RBFOX1: variants seen among roughly 807,000 people sequenced by gnomAD.
The protein encoded by RBFOX1 is RNA binding fox-1 homolog 1, also known as RNA binding protein fox-1 homolog 1.
Under a neutral mutation model 57.7 loss-of-function variants are expected in RBFOX1, and 8 were observed. That is an observed-to-expected ratio of 0.14 (90% CI 0.08 to 0.25). The LOEUF (loss-of-function observed/expected upper bound fraction) is 0.25. Ranked by LOEUF, RBFOX1 falls within the 10% of genes least tolerant of loss-of-function variation. RBFOX1 has a pLI of 1.00. For synonymous variants in RBFOX1, 326 were observed against 222.4 expected (o/e 1.47, Z -4.15); for missense variants, 611 against 548.5 (o/e 1.11, Z -1.14).
At chr16:6,129,902 A>G (rs2096617914) in intron 1 of RBFOX1, among the ~76,000 whole-genome samples, 1 of 152,176 alleles carries the variant, frequency 6.6e-6, no homozygotes, top group African/African-American at 2.4e-5. Flanking sequence ...GAAAGAAACA[A>G]AACAAAACAC....
At chr16:6,933,466 T>G (rs2076886317) in intron 3 of RBFOX1, among the ~76,000 whole-genome samples, 1 of 152,200 alleles carries the variant, frequency 6.6e-6, no homozygotes, top group South Asian at 2.1e-4. Context: ...TAATCCCGGC[T>G]CTTTGGGAAG....
intron 1 of RBFOX1, among the ~76,000 whole-genome samples, chr16:5,415,094 T>A (rs1488271952): frequency 6.6e-6 from 1 of 152,200 alleles, no homozygotes; most frequent in East Asian, 1.9e-4. Context: ...TGAGATAATG[T>A]CTAATCACAC....
intron 2 of RBFOX1, chr16:6,483,444 C>T: frequency 9.1e-6 from 14 of 1,535,676 alleles, no homozygotes; most frequent in Non-Finnish European, 1.2e-5. Flanking sequence ...TTGCCTCGGA[C>T]TTCTCCCGTG....
At chr16:6,735,101 A>C (rs1373353230) in intron 3 of RBFOX1, among the ~76,000 whole-genome samples, 1 of 152,122 alleles carries the variant, frequency 6.6e-6, no homozygotes, top group Non-Finnish European at 1.5e-5. Context: ...GCCATGATTA[A>C]ACAACTGTAT....
intron 2 of RBFOX1, among the ~76,000 whole-genome samples, chr16:6,456,848 C>G (rs1558352): frequency 0.46 from 70,176 of 151,998 alleles, 16,545 homozygotes; most frequent in East Asian, 0.71. Flanking sequence ...CTGGTACCTT[C>G]TAGTTGGATT....
chr16:5,499,549 G>C (rs1472808313), intron 2 of RBFOX1, among the ~76,000 whole-genome samples: 2 of 151,768 alleles, frequency 1.3e-5, no homozygotes, highest in African/African-American at 4.8e-5. Flanking sequence ...TTAAACGCAG[G>C]TTTTTCTTTT....
At chr16:5,565,285 G>C (rs118138105) in intron 2 of RBFOX1, among the ~76,000 whole-genome samples, 2 of 152,110 alleles carry the variant, frequency 1.3e-5, no homozygotes, top group African/African-American at 4.8e-5. Context: ...GTGCACGTGC[G>C]TGCGTGTGTT....
rs71145234 is a variant in RBFOX1, at chr16:6,486,082, CTTTTTTTTT to C, written c.-63-168504_-63-168496del. ...AGTTGAAGGAGATCTCAGTAAAAGGCTTTTTTTTTTTTTTTTTTTTTTTTTGGCATTGAT... is the reference window on the plus strand; with the variant it reads ...AGTTGAAGGAGATCTCAGTAAAAGGCTTTTTTTTTTTTTTTTGGCATTGAT... On this transcript the variant is annotated intron_variant, in intron 2 of 15. Coordinates refer to ENST00000550418, the MANE Select transcript of RBFOX1 (RefSeq NM_018723.4). Among the ~76,000 whole-genome samples the C allele has an allele frequency of 2.9e-3, 184 of 62,988 alleles. 2 individuals are homozygous for C. Among genetic ancestry groups the C allele is most frequent in the African/African-American group, 0.012 (178 of 14,362 alleles). 41.3% of individuals were successfully genotyped at this position (62,988 alleles called of 152,430 possible). A position where few individuals can be genotyped will look rare whatever the true frequency, so the allele number is the denominator to read the frequency against.
chr16:6,484,939 G>C (rs1232849768), intron 2 of RBFOX1, among the ~76,000 whole-genome samples: 1 of 152,100 alleles, frequency 6.6e-6, no homozygotes, highest in Non-Finnish European at 1.5e-5. Flanking sequence ...TCTTTAGTAG[G>C]GTAGCTGGGT....
chr16:7,067,625 G>A (rs981526574), intron 4 of RBFOX1, among the ~76,000 whole-genome samples: 1 of 151,374 alleles, frequency 6.6e-6, no homozygotes, highest in African/African-American at 2.4e-5. Context: ...ATGTTGGTGT[G>A]GTGCACCCAT....
intron 3 of RBFOX1, among the ~76,000 whole-genome samples, chr16:5,732,706 C>T (rs1256367467): frequency 6.6e-6 from 1 of 151,938 alleles, no homozygotes; most frequent in African/African-American, 2.4e-5. Flanking sequence ...CATTTTTCAC[C>T]CATTTACTTA....
At chr16:5,545,050 C>A (rs913868200) in intron 2 of RBFOX1, among the ~76,000 whole-genome samples, 1 of 136,646 alleles carries the variant, frequency 7.3e-6, no homozygotes, top group Non-Finnish European at 1.6e-5. Flanking sequence ...ATTCTTGGCT[C>A]ACTGCAACCT....
chr16:5,255,354 C>CCCTCCATCCATCCATCCA lies in RBFOX1; in HGVS notation c.219+15249_219+15250insCCTCCATCCATCCATCCA, dbSNP rs1555468931. On this transcript the variant is annotated intron_variant, in intron 1 of 2. Transcript: ENST00000585867. ...CATCCATCCATCCATCCATCCATCC[C>CCCTCCATCCATCCATCCA]TCCATCCATCCATCCATCCATCCAT... 2.1e-3 allele frequency among the ~76,000 whole-genome samples: 185 copies of CCCTCCATCCATCCATCCA among 86,316 alleles called. 1 individual carries two copies. Among genetic ancestry groups the CCCTCCATCCATCCATCCA allele is most frequent in the African/African-American group, 6.3e-3 (177 of 28,050 alleles). The allele number at this position is 86,316 out of a possible 152,430, so 56.6% of individuals were successfully genotyped here. A position where few individuals can be genotyped will look rare whatever the true frequency, so the allele number is the denominator to read the frequency against.
chr16:7,042,840 C>T (rs1244983009), intron 3 of RBFOX1, among the ~76,000 whole-genome samples: 2 of 152,202 alleles, frequency 1.3e-5, no homozygotes, highest in South Asian at 2.1e-4. Flanking sequence ...GCAGGAGAAT[C>T]ACTTGAACCT....
intron 3 of RBFOX1, among the ~76,000 whole-genome samples, chr16:7,014,478 C>G (rs1038940235): frequency 5.3e-5 from 8 of 151,356 alleles, no homozygotes; most frequent in African/African-American, 1.9e-4. Flanking sequence ...AACTCCTGAC[C>G]TCAGGTGATC....
chr16:5,369,512 C>T (rs145882093), intron 1 of RBFOX1, among the ~76,000 whole-genome samples: 9 of 152,320 alleles, frequency 5.9e-5, no homozygotes, highest in East Asian at 3.9e-4. Flanking sequence ...ATGCTGAGGA[C>T]GTTCTCCGTG....
intron 4 of RBFOX1, among the ~76,000 whole-genome samples, chr16:7,175,985 G>C (rs914902404): frequency 7.9e-5 from 12 of 152,014 alleles, no homozygotes; most frequent in African/African-American, 2.9e-4. Context: ...AAGTATCTGG[G>C]AGGTGCGTGC....
chr16:5,617,264 C>G (rs1450576417), intron 3 of RBFOX1, among the ~76,000 whole-genome samples: 1 of 152,196 alleles, frequency 6.6e-6, no homozygotes, highest in Non-Finnish European at 1.5e-5. Flanking sequence ...ACCTGGAAAG[C>G]TCCCATTCAC....
chr16:5,332,497 C>T (rs2064782620), intron 1 of RBFOX1, among the ~76,000 whole-genome samples: 1 of 152,060 alleles, frequency 6.6e-6, no homozygotes, highest in Admixed American at 6.6e-5. Context: ...CTTCTGGCCT[C>T]ATGTGATCTG....
Sources: gnomAD v4.1 joint callset for allele counts (sites outside exome capture counted in the v4.1 genomes callset) on GRCh38, gnomAD v4.1.1 for gene constraint, MANE v1.5 for transcripts, NCBI Gene and HGNC (gene_info 2026-07-23, HGNC 2026-07-21) for gene names.